The following CNOT8 variants were observed in gnomAD, a reference collection of about 807,000 sequenced individuals.
CNOT8 encodes CAF1-like protein.
Under a neutral mutation model 34.6 loss-of-function variants are expected in CNOT8, and 18 were observed. The observed-to-expected ratio is 0.52, with a 90% CI of 0.36 to 0.77. CNOT8 has a LOEUF of 0.77. CNOT8 is among the 30% of genes least tolerant of loss of function. The pLI is 0.00. For synonymous variants in CNOT8, 101 were observed against 118.8 expected (o/e 0.85, Z 0.98); for missense variants, 189 against 347.9 (o/e 0.54, Z 3.63).
At position 154,870,250 on chromosome 5, in the gene CNOT8, G is replaced by T. The variant is rs866746199; in HGVS notation, c.312-411G>T. Among the ~76,000 whole-genome samples, 967 of 142,814 alleles carry T rather than the reference G, an allele frequency of 6.8e-3. 9 individuals carry two copies. The highest frequency in any genetic ancestry group is 0.023 in the African/African-American group (837 of 35,946). The allele number at this position is 142,814 out of a possible 152,430, so 93.7% of individuals were successfully genotyped here. On this transcript the variant is annotated intron_variant, in intron 3 of 6. Transcript: ENST00000285896. ...TGTGTGTGTGTGTTGTTTTTTTTTT[G>T]TTTGTTTTGTTTTTTTTGAGACGGA... is the stretch of plus-strand genomic sequence containing the variant.
intron 3 of CNOT8, among the ~76,000 whole-genome samples, chr5:154,868,566 C>T (rs1332660464): frequency 6.6e-6 from 1 of 152,152 alleles, no homozygotes; most frequent in African/African-American, 2.4e-5. Context: ...CCGCACCCGA[C>T]CTATTTACTT....
intron 1 of CNOT8, chr5:154,859,634 T>G (rs1301895842): frequency 1.3e-5 from 2 of 152,234 alleles, no homozygotes; most frequent in Non-Finnish European, 2.9e-5. Context: ...GTTTATTGTT[T>G]CCTTGTACAC....
At chr5:154,873,104 C>G (rs1227129311) in intron 6 of CNOT8, among the ~76,000 whole-genome samples, 1 of 152,136 alleles carries the variant, frequency 6.6e-6, no homozygotes, top group Non-Finnish European at 1.5e-5. Flanking sequence ...CGGGGTTTCA[C>G]TATGCTGGCC....
chr5:154,861,625 G>C (rs961160221), intron 1 of CNOT8, among the ~76,000 whole-genome samples: 2 of 152,198 alleles, frequency 1.3e-5, no homozygotes, highest in African/African-American at 4.8e-5. Context: ...ATACATTAGA[G>C]CCCACTATTG....
At chr5:154,862,717 A>G (rs532125966) in intron 1 of CNOT8, among the ~76,000 whole-genome samples, 10 of 152,332 alleles carry the variant, frequency 6.6e-5, no homozygotes, top group African/African-American at 2.4e-4. Flanking sequence ...ATCCCATGCC[A>G]GTATTCATCA....
In CNOT8 at chr5:154,870,730, A is replaced by G. The variant is rs1762410325; in HGVS notation, c.381A>G (p.Glu127=). ...ANSGLQFQKH[E]EEGIDTLHFA... The stretch of plus-strand genomic sequence containing the variant: ...CAGGACTACAGTTTCAGAAGCATGA[A>G]GAGGAAGGGATTGACACACTGCACT... Residue 127 remains glutamate, a synonymous_variant, in exon 4 of 7, where the codon GAA becomes GAG. Coordinates refer to ENST00000285896, the MANE Select transcript of CNOT8 (RefSeq NM_001301073.2). The G allele has an allele frequency of 6.2e-7, 1 of 1,613,978 alleles. No individual in the cohort carries two copies. Among genetic ancestry groups the G allele is most frequent in the African/African-American group, 1.3e-5 (1 of 74,922 alleles).
chr5:154,863,645 T>C (rs545951110), intron 2 of CNOT8, among the ~76,000 whole-genome samples: 16 of 152,278 alleles, frequency 1.1e-4, no homozygotes, highest in South Asian at 8.3e-4. Context: ...ATTTGAGATT[T>C]TGAAAAGAAT....
rs750779265 is a variant in CNOT8 at position 154,865,430 on chromosome 5, C to T, written c.311+45C>T. 6 of 1,431,322 alleles carry T rather than the reference C, an allele frequency of 4.2e-6. No homozygotes were observed. The South Asian group carries it at 6.9e-5, about 16-fold the overall frequency. 88.7% of individuals were successfully genotyped at this position (1,431,322 alleles called of 1,614,324 possible). ...ATGCGTTAATTTTAAGTTTTGTTTT[C>T]ACTGAATCCAGGTGGGTGTTGGATA... On this transcript the variant is annotated intron_variant, in intron 3 of 6. Coordinates refer to ENST00000285896, the MANE Select transcript of CNOT8 (RefSeq NM_001301073.2).
rs921506708 is a variant in CNOT8, at chr5:154,867,607, A to G, written c.311+2222A>G. On this transcript the variant is annotated intron_variant, in intron 3 of 6. Coordinates refer to ENST00000285896, the MANE Select transcript of CNOT8 (RefSeq NM_001301073.2). Reference sequence around the variant, plus strand: ...AACTATTTGCTACTTTTTCATAGATAAAGCCCCTGACCTTCATGGAAGCAT... The same window carrying G: ...AACTATTTGCTACTTTTTCATAGATGAAGCCCCTGACCTTCATGGAAGCAT... 1.6e-5 allele frequency: 3 copies of G among 192,486 alleles called. No homozygotes were observed. In the Admixed American group the frequency reaches 1.9e-4, roughly 12 times the overall value. The allele number at this position is 192,486 out of a possible 1,614,324, so 11.9% of individuals were successfully genotyped here. A position where few individuals can be genotyped will look rare whatever the true frequency, so the allele number is the denominator to read the frequency against.
chr5:154,858,277 T>C (rs1760984472), upstream of CNOT8: 1 of 151,526 alleles, frequency 6.6e-6, no homozygotes, highest in South Asian at 2.1e-4. Flanking sequence ...GGAGTAAGAA[T>C]CATGATTAAA....
chr5:154,872,283 A>G (rs1762560331), intron 5 of CNOT8, among the ~76,000 whole-genome samples: 2 of 152,242 alleles, frequency 1.3e-5, no homozygotes, highest in Non-Finnish European at 2.9e-5. Flanking sequence ...CTATTTCCTC[A>G]GCCTTGCAAT....
intron 3 of CNOT8, among the ~76,000 whole-genome samples, chr5:154,870,124 C>T (rs1177056121): frequency 1.3e-5 from 2 of 152,032 alleles, no homozygotes; most frequent in African/African-American, 4.8e-5. Flanking sequence ...GGTGTGAGTC[C>T]CCTCCAGTTC....
Position 154,872,533 on chromosome 5 carries a change from A to G in CNOT8, c.619-8A>G. On this transcript the variant is annotated splice_polypyrimidine_tract_variant and splice_region_variant and intron_variant, in intron 5 of 6. Transcript: ENST00000285896. ...GTAATATTATCTTTGTTCTCCATAC[A>G]TCTCCAGGGAGGTCTTCAGGAAGTT... The G allele has an allele frequency of 6.3e-7, 1 of 1,590,080 alleles. No individual in the cohort carries two copies. Among genetic ancestry groups the G allele is most frequent in the Non-Finnish European group, 8.6e-7 (1 of 1,161,254 alleles).
At chr5:154,870,112 G>GTTCT (rs1762339621) in intron 3 of CNOT8, among the ~76,000 whole-genome samples, 1 of 152,162 alleles carries the variant, frequency 6.6e-6, no homozygotes, top group African/African-American at 2.4e-5. Flanking sequence ...CTAGAGTGCA[G>GTTCT]TGGTGTGAGT....
At chr5:154,865,900 G>A (rs2688208) in intron 3 of CNOT8, among the ~76,000 whole-genome samples, 25,243 of 152,038 alleles carry the variant, frequency 0.17, 2,807 homozygotes, top group African/African-American at 0.32. Flanking sequence ...TGTATATACC[G>A]CATTTTGTTT....
At chr5:154,858,400 C>G (rs1275214582), upstream of CNOT8, 4 of 152,270 alleles carry the variant, frequency 2.6e-5, no homozygotes, top group Non-Finnish European at 5.9e-5. Context: ...TACTTCTGCT[C>G]CTGCGCGCTG....
chr5:154,875,234 T>C lies in CNOT8; in HGVS notation c.730-56T>C, dbSNP rs1285692742. On this transcript the variant is annotated intron_variant, in intron 6 of 6. Transcript: ENST00000285896. ...ACCCGGCCAGATGTGATAATATTTA[T>C]ACTTGTCATGACTTCTAGCATAACT... 9 of 1,586,602 alleles carry C rather than the reference T, an allele frequency of 5.7e-6. No homozygotes were observed. In the Admixed American group the frequency reaches 1.5e-4, roughly 27 times the overall value.
intron 1 of CNOT8, among the ~76,000 whole-genome samples, chr5:154,861,986 C>G (rs375617411): frequency 3.1e-4 from 47 of 152,326 alleles, no homozygotes; most frequent in African/African-American, 1.1e-3. Flanking sequence ...GCGTGAGCCA[C>G]CATGCCCGGC....
rs1761325501 is a variant in CNOT8, at chr5:154,861,433, G to A, written c.-72-1774G>A. Reference sequence around the variant, plus strand: ...TAAATGGAATCTTCAAGGTTTGCTGGCAAACCAACAGTTTGATTTCTCAGA... The same window carrying A: ...TAAATGGAATCTTCAAGGTTTGCTGACAAACCAACAGTTTGATTTCTCAGA... On this transcript the variant is annotated intron_variant, in intron 1 of 6. Coordinates refer to ENST00000285896, the MANE Select transcript of CNOT8 (RefSeq NM_001301073.2). 2.0e-5 allele frequency among the ~76,000 whole-genome samples: 3 copies of A among 152,176 alleles called. No individual in the cohort carries two copies. In the South Asian group the frequency reaches 6.2e-4, roughly 31 times the overall value.
Sources: gnomAD v4.1 joint callset for allele counts (sites outside exome capture counted in the v4.1 genomes callset) on GRCh38, gnomAD v4.1.1 for gene constraint, MANE v1.5 for transcripts, NCBI Gene and HGNC (gene_info 2026-07-23, HGNC 2026-07-21) for gene names.